The following EMCN variants were observed in gnomAD, a reference collection of about 807,000 sequenced individuals.
EMCN encodes the protein endomucin.
A neutral mutation model predicts 38.4 loss-of-function variants in EMCN; 37 were observed. The observed-to-expected ratio is 0.96, with a 90% CI of 0.74 to 1.27. The LOEUF (loss-of-function observed/expected upper bound fraction) is 1.27. Among genes scored for constraint, EMCN ranks in the 50% most tolerant of loss-of-function variants. The pLI, the probability that EMCN is intolerant of heterozygous loss-of-function variation, is 0.00. For missense variants in EMCN, 318 were observed against 302.8 expected (o/e 1.05, Z -0.37); for synonymous variants, 95 against 100.8 (o/e 0.94, Z 0.35).
intron 11 of EMCN, 68 bp downstream of exon 11, chr4:100,410,214 C>A: frequency 9.3e-7 from 1 of 1,078,960 alleles, no homozygotes; most frequent in Admixed American, 1.8e-5. Context: ...TAAAAACAAT[C>A]TAAGCTGCAC....
chr4:100,454,697 A>G (rs964558457), intron 4 of EMCN, among the ~76,000 whole-genome samples: 1 of 152,192 alleles, frequency 6.6e-6, no homozygotes, highest in African/African-American at 2.4e-5. Flanking sequence ...AGAATACCAG[A>G]TAACTGTCAC....
At chr4:100,415,632 T>A (rs551624477) in intron 10 of EMCN, among the ~76,000 whole-genome samples, 2 of 152,262 alleles carry the variant, frequency 1.3e-5, no homozygotes, top group Admixed American at 1.3e-4. Context: ...TTTCTGCCAC[T>A]CCTGCAGAAT....
At chr4:100,502,221 A>G (rs995667743) in intron 1 of EMCN, among the ~76,000 whole-genome samples, 2 of 152,208 alleles carry the variant, frequency 1.3e-5, no homozygotes, top group African/African-American at 4.8e-5. Context: ...ATTTCTTATT[A>G]TGCAAATGGG....
chr4:100,458,775 C>A (rs943664806), intron 4 of EMCN, among the ~76,000 whole-genome samples: 4 of 152,152 alleles, frequency 2.6e-5, no homozygotes, highest in Non-Finnish European at 5.9e-5. Context: ...ATGACTCCTC[C>A]CTTCTTTGCA....
rs543188051 is a variant in EMCN at position 100,435,309 on chromosome 4, A to C, written c.416-11905T>G. 3.3e-5 allele frequency among the ~76,000 whole-genome samples: 5 copies of C among 152,292 alleles called. No homozygotes were observed. The South Asian group carries it at 1.0e-3, about 32-fold the overall frequency. Reference sequence around the variant, plus strand: ...AAGAGAATAAAATACCTAGGAATAAAACTAACAAGGGAAGCAAAGGACCTT... The same window carrying C: ...AAGAGAATAAAATACCTAGGAATAACACTAACAAGGGAAGCAAAGGACCTT... On this transcript the variant is annotated intron_variant, in intron 5 of 11. Transcript: ENST00000296420.
chr4:100,497,127 C>T (rs982187669), intron 1 of EMCN, among the ~76,000 whole-genome samples: 4 of 151,062 alleles, frequency 2.6e-5, no homozygotes, highest in African/African-American at 4.9e-5. Flanking sequence ...GATTAAAAAC[C>T]GCTTTATGTC....
chr4:100,455,509 G>GT (rs11432936), intron 4 of EMCN, among the ~76,000 whole-genome samples: 51,989 of 133,350 alleles, frequency 0.39, 11,448 homozygotes, highest in Non-Finnish European at 0.52. Flanking sequence ...AGGGTGAAAA[G>GT]TTTTTTTTTT....
At chr4:100,472,885 T>C (rs1249815305) in intron 3 of EMCN, among the ~76,000 whole-genome samples, 2 of 151,524 alleles carry the variant, frequency 1.3e-5, no homozygotes, top group East Asian at 3.9e-4. Context: ...CATTTGATAC[T>C]GGCATACATT....
rs553218080 is a variant in EMCN, at chr4:100,404,387, T to G, written c.*39+5895A>C. On this transcript the variant is annotated intron_variant, in intron 11 of 11. Coordinates refer to ENST00000296420, the MANE Select transcript of EMCN (RefSeq NM_016242.4). ...ATACGTGTGTGGCATTATTTCAGAG[T>G]TCTCTAACTTGTTTCATTGATCTAT... Among the ~76,000 whole-genome samples the G allele has an allele frequency of 2.6e-5, 4 of 152,224 alleles. No individual in the cohort carries two copies. The South Asian group carries it at 6.2e-4, about 24-fold the overall frequency.
chr4:100,416,674 C>T (rs1726744441), intron 9 of EMCN, among the ~76,000 whole-genome samples: 1 of 152,142 alleles, frequency 6.6e-6, no homozygotes, highest in Non-Finnish European at 1.5e-5. Context: ...TTTGCAGCAC[C>T]TTGGTTGTTA....
chr4:100,423,102 G>A (rs1391143352), intron 6 of EMCN, 22 bp from the exon 7 acceptor site: 7 of 1,611,412 alleles, frequency 4.3e-6, no homozygotes, highest in African/African-American at 1.3e-5. Flanking sequence ...AAAAAAACAA[G>A]TCACTTTTGG....
Position 100,477,529 on chromosome 4 carries a change from A to G in EMCN, c.187+2388T>C, listed in dbSNP as rs534362708. 7.9e-5 allele frequency among the ~76,000 whole-genome samples: 12 copies of G among 152,326 alleles called. No individual in the cohort carries two copies. The East Asian group carries it at 2.3e-3, about 29-fold the overall frequency. On this transcript the variant is annotated intron_variant, in intron 2 of 11. Coordinates refer to ENST00000296420, the MANE Select transcript of EMCN (RefSeq NM_016242.4). ...TTGCTGCAAGAAGAATTCTCATCTC[A>G]GTTGCACATTTTCCACTTTTTTGAT...
chr4:100,515,587 T>C (rs909923205), intron 1 of EMCN, among the ~76,000 whole-genome samples: 1 of 152,152 alleles, frequency 6.6e-6, no homozygotes, highest in Non-Finnish European at 1.5e-5. Context: ...AAAAGATAAT[T>C]ATTTAGGAAT....
At chr4:100,422,910 C>T in intron 7 of EMCN, 111 bp downstream of exon 7, 1 of 1,009,262 alleles carries the variant, frequency 9.9e-7, no homozygotes, top group East Asian at 2.5e-5. Flanking sequence ...GGATTGCAGG[C>T]TCAGTAAAGT....
intron 11 of EMCN, among the ~76,000 whole-genome samples, chr4:100,406,172 C>T (rs1443974747): frequency 6.6e-6 from 1 of 151,894 alleles, no homozygotes; most frequent in African/African-American, 2.4e-5. Context: ...CTTATTTATT[C>T]TTCCAAAAGG....
chr4:100,485,957 A>T (rs1728930753), intron 1 of EMCN, among the ~76,000 whole-genome samples: 1 of 152,190 alleles, frequency 6.6e-6, no homozygotes, highest in East Asian at 1.9e-4. Flanking sequence ...TGCCTCAATA[A>T]ATATTTATTC....
chr4:100,457,046 A>C (rs1728036226), intron 4 of EMCN, among the ~76,000 whole-genome samples: 1 of 152,100 alleles, frequency 6.6e-6, no homozygotes, highest in Admixed American at 6.6e-5. Context: ...TAGTATTATG[A>C]AATGTTCCTA....
At chr4:100,470,510 A>G (rs1053127823) in intron 3 of EMCN, among the ~76,000 whole-genome samples, 4 of 152,020 alleles carry the variant, frequency 2.6e-5, no homozygotes, top group African/African-American at 9.7e-5. Context: ...AAACAGAAAT[A>G]CCACTCAACC....
intron 1 of EMCN, among the ~76,000 whole-genome samples, chr4:100,481,333 CAT>C (rs1305995042): frequency 6.6e-6 from 1 of 152,038 alleles, no homozygotes; most frequent in Non-Finnish European, 1.5e-5. Flanking sequence ...AATGTCATGA[CAT>C]AGAGAATATG....
Sources: gnomAD v4.1 joint callset for allele counts (sites outside exome capture counted in the v4.1 genomes callset) on GRCh38, gnomAD v4.1.1 for gene constraint, MANE v1.5 for transcripts, NCBI Gene and HGNC (gene_info 2026-07-23, HGNC 2026-07-21) for gene names.